The following CFAP74 variants were observed in gnomAD, a reference collection of about 807,000 sequenced individuals.
The protein encoded by CFAP74 is cilia- and flagella-associated protein 74.
Under a neutral mutation model 188.9 loss-of-function variants are expected in CFAP74, and 124 were observed. The observed-to-expected ratio is 0.66, with a 90% CI of 0.57 to 0.76. CFAP74 has a LOEUF of 0.76. Among genes scored for constraint, CFAP74 ranks in the 30% least tolerant of loss-of-function variants. The pLI, the probability that CFAP74 is intolerant of heterozygous loss-of-function variation, is 0.00. For missense variants in CFAP74, 2,198 were observed against 2,165.2 expected (o/e 1.02, Z -0.30); for synonymous variants, 956 against 916.7 (o/e 1.04, Z -0.77).
rs917144180 is a variant in CFAP74, at chr1:1,971,908, A to C, written c.888+72T>G. On this transcript the variant is annotated intron_variant, in intron 9 of 38. Transcript: ENST00000682832. ...CCAGAGGACACGGGCCTGGCTCCCAAGGAGCAGGGGCCCAGGGACGGACCC... is the reference window on the plus strand; with the variant it reads ...CCAGAGGACACGGGCCTGGCTCCCACGGAGCAGGGGCCCAGGGACGGACCC... The C allele has an allele frequency of 2.5e-6, 3 of 1,212,024 alleles. No individual in the cohort carries two copies. In the African/African-American group the frequency reaches 4.5e-5, roughly 18 times the overall value. The allele number at this position is 1,212,024 out of a possible 1,614,324, so 75.1% of individuals were successfully genotyped here.
chr1:1,965,058 G>T lies in CFAP74; in HGVS notation c.1405C>A (p.Pro469Thr). 6.2e-7 allele frequency: 1 copy of T among 1,611,632 alleles called. No individual in the cohort carries two copies. Among genetic ancestry groups the T allele is most frequent in the Non-Finnish European group, 8.5e-7 (1 of 1,178,658 alleles). The change falls in exon 13 of 39, where the codon CCC becomes ACC. Residue 469 changes from proline (P) to threonine (T), a missense_variant. Physicochemically the swap from Pro to Thr is conservative, Grantham distance 38 (BLOSUM62 -1). Transcript: ENST00000682832. The stretch of plus-strand genomic sequence containing the variant: ...GGCTTTCGGTCCACGTCCTCCTTGG[G>T]CACCTGGGGGTCACAGAGACAGAGG... ...WNEDYKPYQV[P>T]KEDVDRKPVG...
rs1656375727 is a variant in CFAP74 at position 1,975,412 on chromosome 1, CG to C, written c.501-1215del. 6.6e-6 allele frequency among the ~76,000 whole-genome samples: 1 copy of C among 152,180 alleles called. No homozygotes were observed. Among genetic ancestry groups the C allele is most frequent in the Non-Finnish European group, 1.5e-5 (1 of 68,044 alleles). ...CAACTTGGCAAGGGAGGTGTGTCTGCGTGTCTCACACGTGGCTGGATTTCAA... is the reference window on the plus strand; with the variant it reads ...CAACTTGGCAAGGGAGGTGTGTCTGCTGTCTCACACGTGGCTGGATTTCAA... On this transcript the variant is annotated intron_variant, in intron 6 of 38. Transcript: ENST00000682832. This position sits in a 1 kb window ranked among gnomAD's most constrained non-coding sequence, Gnocchi z 4.5.
intron 5 of CFAP74, among the ~76,000 whole-genome samples, chr1:1,986,211 T>C (rs13302993): frequency 0.3 from 46,043 of 152,014 alleles, 7,249 homozygotes; most frequent in Non-Finnish European, 0.34. Flanking sequence ...GGTGAAACCC[T>C]GTCTCTACTA....
intron 18 of CFAP74, chr1:1,954,934 C>T (rs1233597095): frequency 9.2e-6 from 11 of 1,193,850 alleles, no homozygotes; most frequent in African/African-American, 6.4e-5. Flanking sequence ...GTACCACGAA[C>T]GCTCCCAAGT....
At chr1:1,970,554 G>A (rs928392150) in intron 10 of CFAP74, 105 bp downstream of exon 10, 158 of 1,306,542 alleles carry the variant, frequency 1.2e-4, no homozygotes, top group Non-Finnish European at 1.4e-4. Context: ...GGCGCCCTGG[G>A]AGAGAGAGCA....
intron 19 of CFAP74, 78 bp downstream of exon 19, chr1:1,946,912 T>G: frequency 8.7e-7 from 1 of 1,147,618 alleles, no homozygotes; most frequent in Admixed American, 2.0e-5. Context: ...GCCAGTGGGT[T>G]GGGGTGCAGC....
At position 1,940,300 on chromosome 1, in the gene CFAP74, G is replaced by A; in HGVS notation, c.2703+16C>T. On this transcript the variant is annotated intron_variant, in intron 23 of 38. Coordinates refer to ENST00000682832, the MANE Select transcript of CFAP74 (RefSeq NM_001304360.2). The stretch of plus-strand genomic sequence containing the variant: ...CAGGAGCGCCCAGCATCCCTGGGAA[G>A]TGCCCCAACACAGACCTGGTCGGCA... 1 of 1,531,674 alleles carries A rather than the reference G, an allele frequency of 6.5e-7. No homozygotes were observed. The highest frequency in any genetic ancestry group is 8.7e-7 in the Non-Finnish European group (1 of 1,143,302). The allele number at this position is 1,531,674 out of a possible 1,614,324, so 94.9% of individuals were successfully genotyped here.
intron 9 of CFAP74, among the ~76,000 whole-genome samples, chr1:1,971,126 C>T (rs563928461): frequency 9.4e-5 from 14 of 148,972 alleles, no homozygotes; most frequent in Admixed American, 6.0e-4. Flanking sequence ...CATGCTCACA[C>T]GTGCACACAC....
chr1:1,995,220 C>T (rs923357236), intron 1 of CFAP74, among the ~76,000 whole-genome samples: 2 of 152,152 alleles, frequency 1.3e-5, no homozygotes, highest in Non-Finnish European at 2.9e-5. Flanking sequence ...AAGAACAAAC[C>T]AGGTGAGGTG....
chr1:1,972,841 TA>T lies in CFAP74; in HGVS notation c.785+95del, dbSNP rs1656184942. ...TGGGCGACAGAGCAAGGCTCCATCT[TA>T]AATAAATAAATAATAAAATCAGGGC... is the stretch of plus-strand genomic sequence containing the variant. On this transcript the variant is annotated intron_variant, in intron 8 of 38. Coordinates refer to ENST00000682832, the MANE Select transcript of CFAP74 (RefSeq NM_001304360.2). 29 of 873,584 alleles carry T rather than the reference TA, an allele frequency of 3.3e-5. No individual in the cohort carries two copies. The South Asian group carries it at 3.9e-4, about 12-fold the overall frequency. The allele number at this position is 873,584 out of a possible 1,614,324, so 54.1% of individuals were successfully genotyped here.
intron 20 of CFAP74, 33 bp downstream of exon 20, chr1:1,946,284 G>A: frequency 1.3e-6 from 2 of 1,517,196 alleles, no homozygotes; most frequent in Non-Finnish European, 1.8e-6. Flanking sequence ...AGGGGCCAGG[G>A]TGTGTGCGTG....
At position 1,959,127 on chromosome 1, in the gene CFAP74, TTC is replaced by T; in HGVS notation, c.1842_1843del (p.Lys615MetfsTer11). On this transcript the variant is annotated frameshift_variant, in exon 16 of 39. Coordinates refer to ENST00000682832, the MANE Select transcript of CFAP74 (RefSeq NM_001304360.2). LOFTEE classifies it high-confidence loss of function. ...GGACACCTTTGAACTCACCGAACAT[TTC>T]TTTGTTGAACATTTCAGTGGAACTG... 1 of 1,610,934 alleles carries T rather than the reference TTC, an allele frequency of 6.2e-7. No individual in the cohort carries two copies. The highest frequency in any genetic ancestry group is 1.1e-5 in the South Asian group (1 of 91,018).
intron 28 of CFAP74, chr1:1,927,255 G>A (rs1651978554): frequency 1.6e-6 from 1 of 606,216 alleles, no homozygotes; most frequent in Non-Finnish European, 2.9e-6. Flanking sequence ...TAGGGGTTGG[G>A]GCAGGTGCCT....
At position 1,976,888 on chromosome 1, in the gene CFAP74, C is replaced by T. The variant is rs983117975; in HGVS notation, c.501-2690G>A. Reference sequence around the variant, plus strand: ...TTTGAGACAGTCTCGCTCTGTTGCCCAGGCTGGAGTACAGTGGTGCGGTCT... The same window carrying T: ...TTTGAGACAGTCTCGCTCTGTTGCCTAGGCTGGAGTACAGTGGTGCGGTCT... On this transcript the variant is annotated intron_variant, in intron 6 of 38. Transcript: ENST00000682832. Among the ~76,000 whole-genome samples, 52 of 151,216 alleles carry T rather than the reference C, an allele frequency of 3.4e-4. 1 individual carries two copies. The highest frequency in any genetic ancestry group is 1.2e-3 in the African/African-American group (49 of 41,188).
At chr1:1,948,079 G>A (rs1194588996) in intron 18 of CFAP74, among the ~76,000 whole-genome samples, 1 of 151,906 alleles carries the variant, frequency 6.6e-6, no homozygotes, top group Non-Finnish European at 1.5e-5. Context: ...CACCATATCG[G>A]CCAGACTGGT....
At chr1:1,957,433 G>A (rs1343338975) in intron 16 of CFAP74, among the ~76,000 whole-genome samples, 3 of 152,196 alleles carry the variant, frequency 2.0e-5, no homozygotes, top group African/African-American at 7.2e-5. Context: ...TCCAGCCAAG[G>A]GAGGCCGCCT....
In CFAP74 at chr1:1,926,797, C is replaced by T. The variant is rs145130483; in HGVS notation, c.3663-36G>A. On this transcript the variant is annotated intron_variant, in intron 29 of 38. Transcript: ENST00000682832. ...AAGGGCATGCTGAGGGCAGGGTGGG[C>T]GGCCCCCTGCCCGCCCAGGCCCCAG... 282 of 1,546,056 alleles carry T rather than the reference C, an allele frequency of 1.8e-4. No homozygotes were observed. The African/African-American group carries it at 3.3e-3, about 18-fold the overall frequency.
chr1:1,976,991 G>A (rs1470493501), intron 6 of CFAP74, among the ~76,000 whole-genome samples: 1 of 151,750 alleles, frequency 6.6e-6, no homozygotes, highest in Admixed American at 6.6e-5. Flanking sequence ...GACTACAGGT[G>A]CCTGCCACCA....
At chr1:1,927,418 C>T in intron 28 of CFAP74, 189 bp downstream of exon 28, 1 of 627,976 alleles carries the variant, frequency 1.6e-6, no homozygotes, top group Non-Finnish European at 2.7e-6. Context: ...GGTGTCAGGC[C>T]TGGGGAAATG....
Sources: allele counts gnomAD v4.1 joint callset (sites outside exome capture counted in the v4.1 genomes callset), GRCh38; gene constraint gnomAD v4.1.1; non-coding constraint Gnocchi (gnomAD v3.1); transcripts MANE v1.5; gene names NCBI Gene and HGNC (gene_info 2026-07-23, HGNC 2026-07-21).